The following DPF1 variants were observed in gnomAD, a reference collection of about 807,000 sequenced individuals.
DPF1 encodes the protein double PHD fingers 1.
DPF1 carries 14 observed loss-of-function variants against 58.7 expected under a neutral mutation model. The observed-to-expected ratio is 0.24, with a 90% CI of 0.16 to 0.37. The LOEUF (loss-of-function observed/expected upper bound fraction) is 0.37. Among genes scored for constraint, DPF1 ranks in the 10% least tolerant of loss-of-function variants. The pLI is 1.00. For missense variants in DPF1, 345 were observed against 529.9 expected (o/e 0.65, Z 3.43); for synonymous variants, 216 against 216.0 (o/e 1.00, Z 0.00).
chr19:38,229,579 G>A lies in DPF1; in HGVS notation c.-152C>T. 2 of 1,169,450 alleles carry A rather than the reference G, an allele frequency of 1.7e-6. No homozygotes were observed. Among genetic ancestry groups the A allele is most frequent in the East Asian group, 7.4e-5 (2 of 26,872 alleles). The allele number at this position is 1,169,450 out of a possible 1,614,324, so 72.4% of individuals were successfully genotyped here. A position where few individuals can be genotyped will look rare whatever the true frequency, so the allele number is the denominator to read the frequency against. ...CTCACGACTTGAGCGGGTTCTGAAT[G>A]GCGGTGGCCATGGCCCGCTCGGCTG... On this transcript the variant is annotated 5_prime_UTR_variant, in exon 1 of 12. Transcript: ENST00000412732. The surrounding 1 kb of genome is among the most constrained non-coding windows in gnomAD (Gnocchi z 5.3).
Position 38,229,481 on chromosome 19 carries a change from C to A in DPF1, c.-132+78G>T, listed in dbSNP as rs1308365698. ...ACGGTCCGCGCGCTGCGTCCCCCTC[C>A]TCAGCCCCAGGGCGGGCGGGGGAAG... On this transcript the variant is annotated intron_variant, in intron 1 of 11. Coordinates refer to the DPF1 transcript ENST00000412732. The surrounding 1 kb of genome is among the most constrained non-coding windows in gnomAD (Gnocchi z 5.3). The A allele has an allele frequency of 2.2e-6, 2 of 902,322 alleles. No individual in the cohort carries two copies. Among genetic ancestry groups the A allele is most frequent in the Non-Finnish European group, 2.8e-6 (2 of 716,138 alleles). The allele number at this position is 902,322 out of a possible 1,614,324, so 55.9% of individuals were successfully genotyped here. A position where few individuals can be genotyped will look rare whatever the true frequency, so the allele number is the denominator to read the frequency against.
intron 3 of DPF1, among the ~76,000 whole-genome samples, chr19:38,221,395 C>T (rs964647047): frequency 1.3e-5 from 2 of 151,936 alleles, no homozygotes; most frequent in African/African-American, 4.8e-5. Context: ...AAAAAATTAG[C>T]CGGGCATGTC....
intron 3 of DPF1, chr19:38,219,776 ACT>A (rs1967310013): frequency 6.6e-6 from 1 of 152,350 alleles, no homozygotes; most frequent in South Asian, 2.1e-4. Flanking sequence ...CATAAGCCAC[ACT>A]CTCAGATACA....
In DPF1 at chr19:38,216,412, G is replaced by T; in HGVS notation, c.728-9C>A. ...CAATTCTTTGTAAAACTCTGGGGTA[G>T]GGGGGACAGAGAGAGGGACTCTCAC... On this transcript the variant is annotated splice_polypyrimidine_tract_variant and intron_variant, in intron 7 of 11. Coordinates refer to ENST00000355526, the MANE Select transcript of DPF1 (RefSeq NM_001135155.3). 6.3e-7 allele frequency: 1 copy of T among 1,577,090 alleles called. No homozygotes were observed. The highest frequency in any genetic ancestry group is 8.6e-7 in the Non-Finnish European group (1 of 1,161,452).
chr19:38,212,518 A>C (rs1973527244), intron 10 of DPF1, 157 bp from the exon 11 acceptor site: 1 of 520,786 alleles, frequency 1.9e-6, no homozygotes. Context: ...ATGTGTGCGC[A>C]ACACTGCTTA....
chr19:38,224,121 G>A lies in DPF1; in HGVS notation c.22C>T (p.Pro8Ser). 2.0e-6 allele frequency: 3 copies of A among 1,494,958 alleles called. No individual in the cohort carries two copies. Among genetic ancestry groups the A allele is most frequent in the Non-Finnish European group, 2.6e-6 (3 of 1,132,482 alleles). The allele number at this position is 1,494,958 out of a possible 1,614,324, so 92.6% of individuals were successfully genotyped here. A position where few individuals can be genotyped will look rare whatever the true frequency, so the allele number is the denominator to read the frequency against. Residue 8 changes from proline (P) to serine (S), a missense_variant, in exon 1 of 12, where the codon CCC (proline) becomes TCC (serine). Physicochemically the swap from Pro to Ser is moderately conservative, Grantham distance 74 (BLOSUM62 -1). Transcript: ENST00000355526. The surrounding 1 kb of genome is among the most constrained non-coding windows in gnomAD (Gnocchi z 4.5). ...CCCGCCGGCCCGCACCACCTCAGGG[G>A]GCCAGGGATGACAGTGGCCATCTTG... MATVIPG[P>S]LSLGEDFYRE...
intron 3 of DPF1, chr19:38,219,363 C>A: frequency 2.5e-6 from 1 of 397,034 alleles, no homozygotes; most frequent in East Asian, 5.0e-5. Context: ...GACTCTCAAA[C>A]ATACCCAGAC....
At chr19:38,212,609 A>T (rs1373127433) in intron 10 of DPF1, among the ~76,000 whole-genome samples, 1 of 151,692 alleles carries the variant, frequency 6.6e-6, no homozygotes, top group African/African-American at 2.4e-5. Context: ...GCTTATTATT[A>T]TTATTATTTT....
At chr19:38,224,915 T>C (rs756483267), upstream of DPF1, among the ~76,000 whole-genome samples, 6 of 152,132 alleles carry the variant, frequency 3.9e-5, no homozygotes, top group Non-Finnish European at 7.4e-5. This position sits in a 1 kb window ranked among gnomAD's most constrained non-coding sequence, Gnocchi z 4.5. Flanking sequence ...CACTGGAGTG[T>C]TGTGAGGATT....
upstream of DPF1, among the ~76,000 whole-genome samples, chr19:38,226,898 G>A (rs1967846694): frequency 6.6e-6 from 1 of 152,102 alleles, no homozygotes; most frequent in South Asian, 2.1e-4. Context: ...ATTAAGAGAA[G>A]CCCGAGTGTA....
chr19:38,217,614 G>A (rs1600253941), intron 6 of DPF1, 23 bp from the exon 7 acceptor site: 1 of 1,539,052 alleles, frequency 6.5e-7, no homozygotes, highest in Non-Finnish European at 8.8e-7. Context: ...CGAGCCAGGA[G>A]GGCCTGTCAG....
chr19:38,225,378 G>A (rs1967772925), upstream of DPF1, among the ~76,000 whole-genome samples: 1 of 152,080 alleles, frequency 6.6e-6, no homozygotes, highest in Admixed American at 6.6e-5. Context: ...ACCAACCTGG[G>A]CAACATATCC....
chr19:38,225,398 T>C (rs1395182941), upstream of DPF1, among the ~76,000 whole-genome samples: 1 of 151,660 alleles, frequency 6.6e-6, no homozygotes, highest in African/African-American at 2.4e-5. Context: ...CAGACCCCTG[T>C]GTCTACAAAA....
intron 7 of DPF1, 133 bp downstream of exon 7, chr19:38,217,327 C>G: frequency 2.4e-6 from 3 of 1,256,116 alleles, no homozygotes; most frequent in Middle Eastern, 5.6e-4. Context: ...TCCCCATGGT[C>G]GGTGGGGGGA....
intron 3 of DPF1, among the ~76,000 whole-genome samples, chr19:38,221,761 G>A (rs1186808500): frequency 6.6e-6 from 1 of 152,006 alleles, no homozygotes; most frequent in African/African-American, 2.4e-5. Context: ...ACCAGACTGG[G>A]CAACATAGTA....
rs1973487558 is a variant in DPF1, at chr19:38,212,201, C to G, written c.1094-68G>C. 7.7e-6 allele frequency: 12 copies of G among 1,553,878 alleles called. 1 individual carries two copies. In the South Asian group the frequency reaches 9.4e-5, roughly 12 times the overall value. On this transcript the variant is annotated intron_variant, in intron 11 of 11. Coordinates refer to ENST00000355526, the MANE Select transcript of DPF1 (RefSeq NM_001135155.3). Reference sequence around the variant, plus strand: ...GGGCTGCCCCAGCCCCTTCCCACCCCGAGGACACACAGTCTTCCACAACCA... The same window carrying G: ...GGGCTGCCCCAGCCCCTTCCCACCCGGAGGACACACAGTCTTCCACAACCA...
At chr19:38,215,938 T>C (rs1966982237) in intron 9 of DPF1, among the ~76,000 whole-genome samples, 1 of 152,116 alleles carries the variant, frequency 6.6e-6, no homozygotes, top group Non-Finnish European at 1.5e-5. Flanking sequence ...CACATCCCAT[T>C]ATCCCTAAAG....
rs775485375 is a variant in DPF1 at position 38,212,089 on chromosome 19, C to A, written c.1138G>T (p.Ala380Ser). The A allele has an allele frequency of 6.2e-7, 1 of 1,612,296 alleles. No individual in the cohort carries two copies. The highest frequency in any genetic ancestry group is 8.5e-7 in the Non-Finnish European group (1 of 1,179,750). ...TAGGTGAGGGTGATGTAAGCAGAAG[C>A]CTTTTCCTTCAGGTGCCGGAGACAG... ...HLCLRHLKEK[A>S]SAYITLT Residue 380 changes from alanine to serine, a missense_variant, in exon 12 of 12, where the codon GCT (alanine) becomes TCT (serine). Coordinates refer to ENST00000355526, the MANE Select transcript of DPF1 (RefSeq NM_001135155.3).
At position 38,213,647 on chromosome 19, in the gene DPF1, G is replaced by A. The variant is rs955472846; in HGVS notation, c.1008C>T (p.Asn336=). ...KSCSLCGTSE[N]DDQLLFCDDC... Reference sequence around the variant, plus strand: ...GCGGGGGGCGGGCGGCACTCACGTCGTTCTCGGAGGTTCCGCACAGGCTGC... The same window carrying A: ...GCGGGGGGCGGGCGGCACTCACGTCATTCTCGGAGGTTCCGCACAGGCTGC... The change falls in exon 10 of 12, where the codon AAC becomes AAT. Residue 336 remains asparagine (N), a synonymous_variant. Coordinates refer to ENST00000355526, the MANE Select transcript of DPF1 (RefSeq NM_001135155.3). The A allele has an allele frequency of 1.6e-5, 25 of 1,612,626 alleles. No individual in the cohort carries two copies. Among genetic ancestry groups the A allele is most frequent in the South Asian group, 3.3e-5 (3 of 91,046 alleles).
Sources: allele counts gnomAD v4.1 joint callset (sites outside exome capture counted in the v4.1 genomes callset), GRCh38; gene constraint gnomAD v4.1.1; non-coding constraint Gnocchi (gnomAD v3.1); transcripts MANE v1.5; gene names NCBI Gene and HGNC (gene_info 2026-07-23, HGNC 2026-07-21).